The following CHST3 variants were observed in gnomAD, a reference collection of about 807,000 sequenced individuals.
CHST3 encodes the protein carbohydrate sulfotransferase 3, also known as C6ST-1.
In CHST3, 20 loss-of-function variants were observed where a neutral mutation model predicts 35.4. The observed-to-expected ratio is 0.57, with a 90% CI of 0.40 to 0.82. The LOEUF (loss-of-function observed/expected upper bound fraction) is 0.82, where lower values mean the gene tolerates loss of function less well. Ranked by LOEUF, CHST3 falls within the 40% of genes least tolerant of loss-of-function variation. The probability of loss-of-function intolerance (pLI) is 0.00; values close to 1 mark genes in which losing one functional copy is unlikely to be tolerated. For synonymous variants in CHST3, 334 were observed against 295.9 expected, an observed-to-expected ratio of 1.13 and a Z score of -1.32; for missense variants, 693 against 670.1, an observed-to-expected ratio of 1.03 and a Z score of -0.38.
Position 72,008,477 on chromosome 10 carries a change from C to T in CHST3, c.*6C>T, listed in dbSNP as rs1452412369. ...GCACCTTCTGGGTCACGTAGGGGGG[C>T]CGGGGCCCCGTATGCCCCTCCTCGT... is the stretch of plus-strand genomic sequence containing the variant. On this transcript the variant is annotated 3_prime_UTR_variant, in exon 3 of 3. Coordinates refer to ENST00000373115, the MANE Select transcript of CHST3 (RefSeq NM_004273.5). 6.6e-7 allele frequency: 1 copy of T among 1,522,988 alleles called. No homozygotes were observed. The highest frequency in any genetic ancestry group is 8.8e-7 in the Non-Finnish European group (1 of 1,133,526). 94.3% of individuals were successfully genotyped at this position (1,522,988 alleles called of 1,614,324 possible). A position where few individuals can be genotyped will look rare whatever the true frequency, so the allele number is the denominator to read the frequency against.
Position 72,008,150 on chromosome 10 carries a change from C to T in CHST3, c.1119C>T (p.Asp373=). 6.5e-7 allele frequency: 1 copy of T among 1,548,516 alleles called. No homozygotes were observed. The highest frequency in any genetic ancestry group is 8.7e-7 in the Non-Finnish European group (1 of 1,146,436). ...RGRYMLVRYE[D]VARGPLQKAR... ...GCTACATGCTGGTGCGCTACGAGGACGTGGCACGCGGGCCGCTGCAGAAGG... is the reference window on the plus strand; with the variant it reads ...GCTACATGCTGGTGCGCTACGAGGATGTGGCACGCGGGCCGCTGCAGAAGG... The change falls in exon 3 of 3, where the codon GAC becomes GAT. Residue 373 remains aspartate, a synonymous_variant. Coordinates refer to ENST00000373115, the MANE Select transcript of CHST3 (RefSeq NM_004273.5).
chr10:71,995,653 C>G (rs570006325), intron 1 of CHST3, among the ~76,000 whole-genome samples: 1 of 152,166 alleles, frequency 6.6e-6, no homozygotes, highest in East Asian at 1.9e-4. Flanking sequence ...TGTTGCATTT[C>G]AAGGAACAAG....
intron 1 of CHST3, among the ~76,000 whole-genome samples, chr10:71,982,177 G>A (rs1839806961): frequency 6.6e-6 from 1 of 152,228 alleles, no homozygotes; most frequent in Non-Finnish European, 1.5e-5. Flanking sequence ...GATTATCCAG[G>A]AGAGCCCTAA....
At chr10:71,975,798 CTCAG>C (rs1289263827) in intron 1 of CHST3, among the ~76,000 whole-genome samples, 4 of 152,262 alleles carry the variant, frequency 2.6e-5, no homozygotes, top group Non-Finnish European at 4.4e-5. Flanking sequence ...CGGTGCCGCC[CTCAG>C]TCAGGCCAGC....
Position 72,007,327 on chromosome 10 carries a change from T to C in CHST3, c.296T>C (p.Leu99Ser), listed in dbSNP as rs144218298. The C allele has an allele frequency of 1.8e-5, 29 of 1,611,404 alleles. No individual in the cohort carries two copies. In the African/African-American group the frequency reaches 2.3e-4, roughly 13 times the overall value. The change falls in exon 3 of 3, where the codon TTG (leucine) becomes TCG (serine). Residue 99 changes from leucine to serine, a missense_variant. Coordinates refer to ENST00000373115, the MANE Select transcript of CHST3 (RefSeq NM_004273.5). ...CAGAGCCGTCTCCGCAACCTCAGCT[T>C]GCAGCTGGGCGTGGAGCCAGCCATG... ...QLQSRLRNLSLQLGVEPAMEA... is the reference protein window; with the variant it reads ...QLQSRLRNLSSQLGVEPAMEA...
At chr10:71,978,605 C>T (rs1839769895) in intron 1 of CHST3, among the ~76,000 whole-genome samples, 2 of 152,238 alleles carry the variant, frequency 1.3e-5, no homozygotes, top group South Asian at 2.1e-4. Context: ...GTTCTAGAAG[C>T]GCACACATCG....
intron 1 of CHST3, among the ~76,000 whole-genome samples, chr10:71,967,836 G>GT (rs1839646423): frequency 1.3e-5 from 2 of 152,092 alleles, no homozygotes; most frequent in South Asian, 4.1e-4. Context: ...TTTGGTGGGA[G>GT]TGGTGGGATG....
chr10:71,987,823 G>A (rs1485977654), intron 1 of CHST3, among the ~76,000 whole-genome samples: 1 of 152,002 alleles, frequency 6.6e-6, no homozygotes, highest in Non-Finnish European at 1.5e-5. Flanking sequence ...CATTCTCCAG[G>A]ATCAGAAAGC....
chr10:71,993,952 T>G (rs1449820190), intron 1 of CHST3, among the ~76,000 whole-genome samples: 1 of 151,926 alleles, frequency 6.6e-6, no homozygotes, highest in African/African-American at 2.4e-5. Flanking sequence ...ATACAAAAAT[T>G]AGCCAAGCGT....
chr10:72,007,540 G>T lies in CHST3; in HGVS notation c.509G>T (p.Arg170Leu), dbSNP rs1332088034. The change falls in exon 3 of 3, where the codon CGC (arginine) becomes CTC (leucine). Residue 170 changes from arginine to leucine, a missense_variant. Transcript: ENST00000373115. Reference sequence around the variant, plus strand: ...TTCGAGCCGCTGTGGCACATCGAGCGCACAGTGTCCTTCGAGCCGGGGGGC... The same window carrying T: ...TTCGAGCCGCTGTGGCACATCGAGCTCACAGTGTCCTTCGAGCCGGGGGGC... ...YLFEPLWHIE[R>L]TVSFEPGGAN... 5 of 1,605,280 alleles carry T rather than the reference G, an allele frequency of 3.1e-6. No homozygotes were observed. Among genetic ancestry groups the T allele is most frequent in the Non-Finnish European group, 3.4e-6 (4 of 1,179,734 alleles).
intron 1 of CHST3, among the ~76,000 whole-genome samples, chr10:71,988,961 G>A (rs953216956): frequency 1.8e-4 from 28 of 152,202 alleles, no homozygotes; most frequent in African/African-American, 6.0e-4. Flanking sequence ...TCAGGAATTC[G>A]AGACCAGCCT....
rs573581148 is a variant in CHST3 at position 72,002,945 on chromosome 10, C to T, written c.-107-2791C>T. 3.3e-5 allele frequency among the ~76,000 whole-genome samples: 5 copies of T among 152,272 alleles called. No individual in the cohort carries two copies. In the East Asian group the frequency reaches 9.7e-4, roughly 29 times the overall value. On this transcript the variant is annotated intron_variant, in intron 1 of 2. Transcript: ENST00000373115. Reference sequence around the variant, plus strand: ...GCATTCTGGGAAGGGAGATGGTCAGCCAGAAAGCCCCACCATAGGAGCTAG... The same window carrying T: ...GCATTCTGGGAAGGGAGATGGTCAGTCAGAAAGCCCCACCATAGGAGCTAG...
At chr10:71,981,341 C>G (rs1487986246) in intron 1 of CHST3, among the ~76,000 whole-genome samples, 1 of 152,282 alleles carries the variant, frequency 6.6e-6, no homozygotes, top group Non-Finnish European at 1.5e-5. Flanking sequence ...AAGCCTCCTC[C>G]TCTGTAGCCT....
chr10:72,008,479 G>A lies in CHST3; in HGVS notation c.*8G>A, dbSNP rs1840073224. 6.6e-7 allele frequency: 1 copy of A among 1,519,774 alleles called. No individual in the cohort carries two copies. 94.1% of individuals were successfully genotyped at this position (1,519,774 alleles called of 1,614,324 possible). A position where few individuals can be genotyped will look rare whatever the true frequency, so the allele number is the denominator to read the frequency against. Reference sequence around the variant, plus strand: ...ACCTTCTGGGTCACGTAGGGGGGCCGGGGCCCCGTATGCCCCTCCTCGTGA... The same window carrying A: ...ACCTTCTGGGTCACGTAGGGGGGCCAGGGCCCCGTATGCCCCTCCTCGTGA... On this transcript the variant is annotated 3_prime_UTR_variant, in exon 3 of 3. Transcript: ENST00000373115.
chr10:71,983,900 G>A (rs1384836519), intron 1 of CHST3, among the ~76,000 whole-genome samples: 2 of 152,210 alleles, frequency 1.3e-5, no homozygotes, highest in African/African-American at 2.4e-5. Flanking sequence ...TCCATAGCTC[G>A]TGCTCTGTAA....
chr10:71,968,207 T>C (rs977408583), intron 1 of CHST3, among the ~76,000 whole-genome samples: 1 of 152,186 alleles, frequency 6.6e-6, no homozygotes, highest in Non-Finnish European at 1.5e-5. Flanking sequence ...TGGTATCTCA[T>C]TGTGGTTTTG....
At position 72,007,456 on chromosome 10, in the gene CHST3, G is replaced by T; in HGVS notation, c.425G>T (p.Arg142Leu). The change falls in exon 3 of 3, where the codon CGC becomes CTC. Residue 142 changes from arginine (R) to leucine (L), a missense_variant. By Grantham distance (102) the Arg-to-Leu change is moderately radical. Coordinates refer to ENST00000373115, the MANE Select transcript of CHST3 (RefSeq NM_004273.5). The part of the protein sequence containing the change: ...RRHVLLMATT[R>L]TGSSFVGEFF... ...CACGTGCTGCTCATGGCCACCACGC[G>T]CACCGGCTCCTCGTTCGTGGGCGAG... 1 of 1,603,042 alleles carries T rather than the reference G, an allele frequency of 6.2e-7. No individual in the cohort carries two copies. Among genetic ancestry groups the T allele is most frequent in the Non-Finnish European group, 8.5e-7 (1 of 1,179,656 alleles).
intron 1 of CHST3, among the ~76,000 whole-genome samples, chr10:71,993,842 G>A (rs1295544276): frequency 6.6e-6 from 1 of 152,112 alleles, no homozygotes; most frequent in African/African-American, 2.4e-5. Context: ...GCTCACATCT[G>A]TAATCCCAAC....
intron 1 of CHST3, among the ~76,000 whole-genome samples, chr10:71,981,551 C>T (rs374691995): frequency 7.2e-5 from 11 of 152,228 alleles, no homozygotes; most frequent in East Asian, 1.9e-4. Flanking sequence ...CTCCAGCCCC[C>T]CCAGGCAGCC....
Sources: gnomAD v4.1 joint callset for allele counts (sites outside exome capture counted in the v4.1 genomes callset) on GRCh38, gnomAD v4.1.1 for gene constraint, MANE v1.5 for transcripts, NCBI Gene and HGNC (gene_info 2026-07-23, HGNC 2026-07-21) for gene names.